CELF4: variants seen among roughly 807,000 people sequenced by gnomAD.
CELF4 encodes CUG-BP- and ETR-3-like factor 4.
CELF4 carries 18 observed loss-of-function variants against 59.9 expected under a neutral mutation model. The ratio of observed to expected loss-of-function variants is 0.30; its 90% CI spans 0.21 to 0.45. CELF4 has a LOEUF of 0.45. CELF4 is among the 20% of genes least tolerant of loss of function. The pLI is 1.00. For missense variants in CELF4, 456 were observed against 689.0 expected, an observed-to-expected ratio of 0.66 and a Z score of 3.79; for synonymous variants, 261 against 267.1, an observed-to-expected ratio of 0.98 and a Z score of 0.22.
chr18:37,317,693 C>A (rs2096916153), intron 3 of CELF4, among the ~76,000 whole-genome samples: 1 of 152,204 alleles, frequency 6.6e-6, no homozygotes, highest in Non-Finnish European at 1.5e-5. Flanking sequence ...GCTGGCACTG[C>A]CCTCACACCA....
chr18:37,265,114 T>G (rs896076849), intron 9 of CELF4, among the ~76,000 whole-genome samples: 2 of 149,438 alleles, frequency 1.3e-5, no homozygotes, highest in South Asian at 2.1e-4. Context: ...AGTGTGTGGG[T>G]GTGTGTGTAC....
In CELF4 at chr18:37,478,064, C is replaced by T. The variant is rs186466156; in HGVS notation, c.369+7461G>A. Among the ~76,000 whole-genome samples the T allele has an allele frequency of 9.9e-4, 151 of 152,310 alleles. 1 individual carries two copies. Among genetic ancestry groups the T allele is most frequent in the African/African-American group, 3.0e-3 (123 of 41,568 alleles). ...GCTTTATTATACTTGTCACCAATGG[C>T]GTCGGGTAGTGGAGAGCAGGAGACA... is the stretch of plus-strand genomic sequence containing the variant. On this transcript the variant is annotated intron_variant, in intron 2 of 12. Transcript: ENST00000420428.
intron 2 of CELF4, among the ~76,000 whole-genome samples, chr18:37,323,228 A>C (rs2097185410): frequency 1.3e-5 from 2 of 151,990 alleles, no homozygotes; most frequent in Non-Finnish European, 2.9e-5. Flanking sequence ...ACAAGGAAGG[A>C]GGCACAGGTA....
intron 2 of CELF4, among the ~76,000 whole-genome samples, chr18:37,455,529 C>T (rs1483583171): frequency 6.6e-6 from 1 of 152,206 alleles, no homozygotes; most frequent in Non-Finnish European, 1.5e-5. Context: ...AAGCCCCTCT[C>T]TTTCCAGGCC....
chr18:37,437,145 G>A (rs1167416662), intron 2 of CELF4, among the ~76,000 whole-genome samples: 1 of 152,160 alleles, frequency 6.6e-6, no homozygotes, highest in Non-Finnish European at 1.5e-5. Context: ...GGCTACAAGT[G>A]TGTACCTCCA....
intron 10 of CELF4, among the ~76,000 whole-genome samples, chr18:37,259,897 A>G (rs1019933985): frequency 4.6e-5 from 7 of 152,202 alleles, no homozygotes; most frequent in Admixed American, 2.6e-4. Context: ...AAGCGCTGCA[A>G]CTGAGGCTCT....
intron 11 of CELF4, among the ~76,000 whole-genome samples, chr18:37,255,108 T>C (rs758627008): frequency 1.3e-5 from 2 of 152,156 alleles, no homozygotes; most frequent in African/African-American, 4.8e-5. Context: ...ACTTAGATCC[T>C]GCAAAATATA....
intron 2 of CELF4, among the ~76,000 whole-genome samples, chr18:37,326,424 C>T (rs1219941773): frequency 1.3e-5 from 2 of 152,198 alleles, no homozygotes; most frequent in Admixed American, 1.3e-4. Context: ...AGTGCGCTGT[C>T]CTCCCCGGAG....
intron 2 of CELF4, among the ~76,000 whole-genome samples, chr18:37,374,355 A>T (rs1027907346): frequency 1.2e-4 from 19 of 152,288 alleles, no homozygotes; most frequent in South Asian, 4.1e-4. Context: ...GCAGGGGCTC[A>T]TGCAGCTCAT....
intron 1 of CELF4, among the ~76,000 whole-genome samples, chr18:37,554,621 G>A (rs1254919204): frequency 3.3e-5 from 5 of 152,140 alleles, no homozygotes; most frequent in African/African-American, 9.7e-5. Flanking sequence ...CAGTTGCCTT[G>A]ACGACTCTGG....
chr18:37,387,371 G>A (rs2099110858), intron 2 of CELF4, among the ~76,000 whole-genome samples: 1 of 152,188 alleles, frequency 6.6e-6, no homozygotes, highest in Admixed American at 6.5e-5. Flanking sequence ...GCTGGCTTCT[G>A]CCTTGGTGGG....
chr18:37,400,963 C>G (rs567030028), intron 2 of CELF4, among the ~76,000 whole-genome samples: 1 of 152,212 alleles, frequency 6.6e-6, no homozygotes, highest in Non-Finnish European at 1.5e-5. Context: ...TTGATCCCAG[C>G]GGGGCCTGGG....
At chr18:37,306,823 G>A (rs1259944128) in intron 3 of CELF4, among the ~76,000 whole-genome samples, 2 of 151,972 alleles carry the variant, frequency 1.3e-5, no homozygotes, top group African/African-American at 4.8e-5. Flanking sequence ...GAATGGGGAG[G>A]GCCCTCTGTC....
Position 37,243,297 on chromosome 18 carries a change from C to T in CELF4, c.*1945G>A, listed in dbSNP as rs892932973. The T allele has an allele frequency of 6.8e-6, 1 of 146,578 alleles. No homozygotes were observed. The highest frequency in any genetic ancestry group is 2.5e-5 in the African/African-American group (1 of 39,266). 9.1% of individuals were successfully genotyped at this position (146,578 alleles called of 1,614,324 possible). A position where few individuals can be genotyped will look rare whatever the true frequency, so the allele number is the denominator to read the frequency against. On this transcript the variant is annotated 3_prime_UTR_variant, in exon 13 of 13. Transcript: ENST00000420428. ...AAAATTGACAGAAAGAAAGGAAAGGCAGGAGGCCCTAGAGGAACTGGAAAT... is the reference window on the plus strand; with the variant it reads ...AAAATTGACAGAAAGAAAGGAAAGGTAGGAGGCCCTAGAGGAACTGGAAAT...
At chr18:37,318,313 C>T (rs774971565) in intron 3 of CELF4, among the ~76,000 whole-genome samples, 14 of 151,702 alleles carry the variant, frequency 9.2e-5, no homozygotes, top group Non-Finnish European at 1.8e-4. Context: ...CCTCACCTCT[C>T]TACTTTTCTC....
chr18:37,532,933 G>A (rs2099970702), intron 1 of CELF4, among the ~76,000 whole-genome samples: 1 of 152,242 alleles, frequency 6.6e-6, no homozygotes, highest in African/African-American at 2.4e-5. Flanking sequence ...AAAGAGGGGT[G>A]CTGGACAATT....
rs2066848789 is a variant in CELF4 at position 37,253,482 on chromosome 18, A to G, written c.*44+285T>C. On this transcript the variant is annotated intron_variant, in intron 12 of 12. Transcript: ENST00000420428. This position sits in a 1 kb window ranked among gnomAD's most constrained non-coding sequence, Gnocchi z 4.5. ...GGTTCTCTGGCCAACAGGACTGCCA[A>G]TGTAGACCCGGAGGCGCAGGCCCAG... 6.6e-6 allele frequency among the ~76,000 whole-genome samples: 1 copy of G among 152,132 alleles called. No homozygotes were observed.
chr18:37,346,411 C>A (rs978738346), intron 2 of CELF4, among the ~76,000 whole-genome samples: 2 of 152,114 alleles, frequency 1.3e-5, no homozygotes, highest in Non-Finnish European at 2.9e-5. Flanking sequence ...AGAGGCAGGG[C>A]AGGTTTGCCA....
intron 1 of CELF4, among the ~76,000 whole-genome samples, chr18:37,499,462 T>A (rs1222826482): frequency 6.6e-6 from 1 of 152,052 alleles, no homozygotes; most frequent in Non-Finnish European, 1.5e-5. Flanking sequence ...CAGAACAGGG[T>A]CCTGGCAGCA....
Sources: allele counts gnomAD v4.1 joint callset (sites outside exome capture counted in the v4.1 genomes callset), GRCh38; gene constraint gnomAD v4.1.1; non-coding constraint Gnocchi (gnomAD v3.1); transcripts MANE v1.5; gene names NCBI Gene and HGNC (gene_info 2026-07-23, HGNC 2026-07-21).